Variants in CUBN observed in about 807,000 individuals in gnomAD.
CUBN encodes the protein 460 kDa receptor.
A neutral mutation model predicts 405.3 loss-of-function variants in CUBN; 282 were observed. The ratio of observed to expected loss-of-function variants is 0.70; its 90% CI spans 0.63 to 0.77. The LOEUF (loss-of-function observed/expected upper bound fraction) is 0.77, where lower values mean the gene tolerates loss of function less well. Ranked by LOEUF, CUBN falls within the 30% of genes least tolerant of loss-of-function variation. CUBN has a pLI of 0.00. For missense variants in CUBN, 4,514 were observed against 4,475.2 expected, an observed-to-expected ratio of 1.01 and a Z score of -0.25; for synonymous variants, 1,684 against 1,617.0, an observed-to-expected ratio of 1.04 and a Z score of -0.99.
At position 16,940,185 on chromosome 10, in the gene CUBN, G is replaced by A. The variant is rs139724058; in HGVS notation, c.5395C>T (p.Arg1799Cys). 1.9e-5 allele frequency: 30 copies of A among 1,613,874 alleles called. No homozygotes were observed. The highest frequency in any genetic ancestry group is 6.7e-5 in the African/African-American group (5 of 74,860). ...AAGTGACCCGTGGCATTTCCTTCAC[G>A]GATCTCCACAAAATCTCTGCTGCAG... ...QDCSRDFVEIREGNATGHLVG... is the reference protein window; with the variant it reads ...QDCSRDFVEICEGNATGHLVG... Residue 1799 changes from arginine to cysteine, a missense_variant, in exon 37 of 67, where the codon CGT becomes TGT. Transcript: ENST00000377833.
At chr10:17,122,561 C>G in intron 6 of CUBN, 1 of 574,986 alleles carries the variant, frequency 1.7e-6, no homozygotes, top group Non-Finnish European at 3.4e-6. Flanking sequence ...CTTCCGGTTC[C>G]TTGGGGATGT....
At chr10:16,833,462 G>T (rs536311950) in intron 64 of CUBN, among the ~76,000 whole-genome samples, 1 of 152,156 alleles carries the variant, frequency 6.6e-6, no homozygotes, top group South Asian at 2.1e-4. Context: ...AAAGGATTTA[G>T]ATGAATTCCA....
chr10:17,032,883 G>A (rs1354526893), intron 27 of CUBN, among the ~76,000 whole-genome samples: 3 of 152,106 alleles, frequency 2.0e-5, no homozygotes, highest in African/African-American at 4.8e-5. Context: ...GCTATATTCT[G>A]ATGTCTCCCT....
intron 54 of CUBN, among the ~76,000 whole-genome samples, chr10:16,891,061 T>C (rs1261377837): frequency 6.6e-6 from 1 of 152,194 alleles, no homozygotes; most frequent in African/African-American, 2.4e-5. Context: ...AGGGTCCATT[T>C]TGATGAAAAG....
intron 5 of CUBN, chr10:17,123,385 T>A: frequency 1.6e-6 from 1 of 616,560 alleles, no homozygotes. Context: ...GAACCTCTCC[T>A]TTCAATGGCT....
At chr10:17,046,462 G>C (rs1375145745) in intron 23 of CUBN, among the ~76,000 whole-genome samples, 1 of 152,080 alleles carries the variant, frequency 6.6e-6, no homozygotes, top group Non-Finnish European at 1.5e-5. Context: ...GTATTTTACA[G>C]AGAATCTTTC....
chr10:17,113,349 C>T (rs899167665), intron 8 of CUBN, among the ~76,000 whole-genome samples: 2 of 152,086 alleles, frequency 1.3e-5, no homozygotes, highest in African/African-American at 4.8e-5. Context: ...ATCCCTGGAG[C>T]GCAGATGAAC....
At chr10:17,083,421 C>T (rs1836015988) in intron 17 of CUBN, among the ~76,000 whole-genome samples, 2 of 152,100 alleles carry the variant, frequency 1.3e-5, no homozygotes, top group Admixed American at 6.6e-5. Context: ...AGAAGAATTG[C>T]TTGAACTCAG....
At chr10:17,078,930 G>A (rs1240610551) in intron 17 of CUBN, among the ~76,000 whole-genome samples, 1 of 152,074 alleles carries the variant, frequency 6.6e-6, no homozygotes, top group East Asian at 1.9e-4. Context: ...CATGTTCAAT[G>A]GGTTTGCAGC....
intron 28 of CUBN, among the ~76,000 whole-genome samples, chr10:16,998,139 G>C (rs556690164): frequency 1.3e-5 from 2 of 152,120 alleles, no homozygotes; most frequent in African/African-American, 4.8e-5. Context: ...AGAGGAGAGA[G>C]TTGTCCCTGT....
rs139179818 is a variant in CUBN, at chr10:16,925,388, C to T, written c.6499G>A (p.Gly2167Arg). ...NGPDICSPPL[G>R]PPGGNGHFCG... ...AAATGACCATTTCCTCCAGGGGGTC[C>T]CAAGGGTGGAGAACAGATATCAGGA... is the stretch of plus-strand genomic sequence containing the variant. Residue 2167 changes from glycine to arginine, a missense_variant, in exon 43 of 67, where the codon GGA (glycine) becomes AGA (arginine). By Grantham distance (125) the Gly-to-Arg change is moderately radical. This residue lies in a region of CUBN where 1,613 missense variants were observed against 1,542.8 expected (regional missense o/e 1.05). Transcript: ENST00000377833. 6.2e-7 allele frequency: 1 copy of T among 1,613,670 alleles called. No homozygotes were observed. Among genetic ancestry groups the T allele is most frequent in the African/African-American group, 1.3e-5 (1 of 74,834 alleles).
rs913042736 is a variant in CUBN, at chr10:16,851,579, G to T, written c.9455-136C>A. On this transcript the variant is annotated intron_variant, in intron 59 of 66. Transcript: ENST00000377833. ...ACATGATCAGATCATTCCCTCCTGG[G>T]CTCCCTCCTTTCCTCCCTCCCTCTT... The T allele has an allele frequency of 2.9e-5, 24 of 818,980 alleles. 1 individual carries two copies. Among genetic ancestry groups the T allele is most frequent in the Non-Finnish European group, 4.1e-5 (20 of 486,408 alleles). 50.7% of individuals were successfully genotyped at this position (818,980 alleles called of 1,614,324 possible). A position where few individuals can be genotyped will look rare whatever the true frequency, so the allele number is the denominator to read the frequency against.
Position 17,088,429 on chromosome 10 carries a change from C to A in CUBN, c.1766-84G>T. The A allele has an allele frequency of 3.5e-6, 4 of 1,152,510 alleles. No individual in the cohort carries two copies. The South Asian group carries it at 4.0e-5, about 11-fold the overall frequency. 71.4% of individuals were successfully genotyped at this position (1,152,510 alleles called of 1,614,324 possible). A position where few individuals can be genotyped will look rare whatever the true frequency, so the allele number is the denominator to read the frequency against. On this transcript the variant is annotated intron_variant, in intron 14 of 66. Transcript: ENST00000377833. ...TGATCAGAGCCCTTGGCGTAAGAAG[C>A]CAAACTTTGTTTAAATAACTATGAG...
intron 60 of CUBN, among the ~76,000 whole-genome samples, chr10:16,846,576 C>T (rs1839514264): frequency 1.3e-5 from 2 of 151,968 alleles, no homozygotes; most frequent in South Asian, 2.1e-4. Context: ...CTTTGGGAGG[C>T]CAAGGTAGGT....
Position 17,047,597 on chromosome 10 carries a change from A to T in CUBN, c.3146T>A (p.Leu1049Ter). ...YEAISAATAC[L>*]QDYTDDLGTF... ...CCCCAAATCATCTGTGTAGTCTTGCAAACATGCTGTGAACAGAAACAGACC... is the reference window on the plus strand; with the variant it reads ...CCCCAAATCATCTGTGTAGTCTTGCTAACATGCTGTGAACAGAAACAGACC... The change falls in exon 23 of 67, where the codon TTG becomes TAG. Residue 1049 changes from leucine to a stop codon, truncating the protein, a stop_gained. Transcript: ENST00000377833. LOFTEE classifies it high-confidence loss of function. 1 of 1,613,914 alleles carries T rather than the reference A, an allele frequency of 6.2e-7. No individual in the cohort carries two copies. Among genetic ancestry groups the T allele is most frequent in the Non-Finnish European group, 8.5e-7 (1 of 1,179,808 alleles).
chr10:16,937,936 C>A, intron 38 of CUBN, 152 bp from the exon 39 acceptor site: 1 of 681,440 alleles, frequency 1.5e-6, no homozygotes, highest in Non-Finnish European at 2.5e-6. Flanking sequence ...AAAACACATA[C>A]TGCCAGAGAA....
chr10:16,940,282 T>C (rs771821631), intron 36 of CUBN, 45 bp from the exon 37 acceptor site: 68 of 1,503,384 alleles, frequency 4.5e-5, no homozygotes, highest in Admixed American at 1.0e-4. Context: ...ATTGAGAGAA[T>C]AGACTTTGGG....
At chr10:16,841,138 G>T in intron 60 of CUBN, 91 bp from the exon 61 acceptor site, 1 of 1,060,276 alleles carries the variant, frequency 9.4e-7, no homozygotes, top group South Asian at 1.3e-5. Flanking sequence ...AATAGGTCAC[G>T]GTAAACATTT....
chr10:16,827,975 A>AT (rs143257388), intron 66 of CUBN, among the ~76,000 whole-genome samples: 1,852 of 152,294 alleles, frequency 0.012, 41 homozygotes, highest in African/African-American at 0.042. Context: ...TCAGATTCTG[A>AT]TTTTTTTAGG....
Sources: gnomAD v4.1 joint callset for allele counts (sites outside exome capture counted in the v4.1 genomes callset) on GRCh38, gnomAD v4.1.1 for gene constraint, gnomAD v4.1.1 regional missense constraint, MANE v1.5 for transcripts, NCBI Gene and HGNC (gene_info 2026-07-23, HGNC 2026-07-21) for gene names.